Variants in DDAH1 observed in about 807,000 individuals in gnomAD.
The protein encoded by DDAH1 is N(G),N(G)-dimethylarginine dimethylaminohydrolase 1.
DDAH1 carries 19 observed loss-of-function variants against 28.8 expected under a neutral mutation model. The ratio of observed to expected loss-of-function variants is 0.66; its 90% CI spans 0.46 to 0.97. The LOEUF (loss-of-function observed/expected upper bound fraction) is 0.97. DDAH1 is among the 50% of genes least tolerant of loss of function. The pLI is 0.00. For synonymous variants in DDAH1, 153 were observed against 154.4 expected (o/e 0.99, Z 0.07); for missense variants, 326 against 375.9 (o/e 0.87, Z 1.10).
intron 1 of DDAH1, among the ~76,000 whole-genome samples, chr1:85,390,672 G>A (rs1222460834): frequency 1.3e-5 from 2 of 152,048 alleles, no homozygotes; most frequent in Non-Finnish European, 2.9e-5. Context: ...ATTACTGCAG[G>A]GGCCTCTTTA....
chr1:85,333,194 C>A (rs1473600348), intron 4 of DDAH1, among the ~76,000 whole-genome samples: 1 of 152,224 alleles, frequency 6.6e-6, no homozygotes, highest in Non-Finnish European at 1.5e-5. Flanking sequence ...CAGCCTACGC[C>A]ACTGAGGAAA....
chr1:85,547,720 G>T (rs757453995), intron 1 of DDAH1, among the ~76,000 whole-genome samples: 1 of 152,198 alleles, frequency 6.6e-6, no homozygotes, highest in Non-Finnish European at 1.5e-5. Flanking sequence ...TTGATAGAGA[G>T]GTTTCTTTAA....
At chr1:85,463,467 A>G (rs999893115) in intron 1 of DDAH1, among the ~76,000 whole-genome samples, 2 of 152,228 alleles carry the variant, frequency 1.3e-5, no homozygotes, top group African/African-American at 4.8e-5. Context: ...TTATCAGTTT[A>G]AAAGAGTGGG....
chr1:85,340,802 G>A (rs1648429438), intron 4 of DDAH1, among the ~76,000 whole-genome samples: 1 of 151,918 alleles, frequency 6.6e-6, no homozygotes. Context: ...CCACAGATAA[G>A]GAAACCCCGA....
chr1:85,347,032 CCAT>C (rs1408451396), intron 4 of DDAH1, among the ~76,000 whole-genome samples: 6 of 151,966 alleles, frequency 3.9e-5, no homozygotes, highest in Non-Finnish European at 7.4e-5. Flanking sequence ...TCATCACTGG[CCAT>C]CAGAGAAATG....
intron 1 of DDAH1, among the ~76,000 whole-genome samples, chr1:85,406,017 T>C (rs959506320): frequency 1.3e-5 from 2 of 152,218 alleles, no homozygotes; most frequent in African/African-American, 2.4e-5. Flanking sequence ...CAGGACCCAC[T>C]ATGTGCCAGG....
chr1:85,525,364 G>A (rs1419268908), intron 1 of DDAH1, among the ~76,000 whole-genome samples: 1 of 152,098 alleles, frequency 6.6e-6, no homozygotes, highest in East Asian at 1.9e-4. Flanking sequence ...CTAGCTAGCT[G>A]ACTGTTGACA....
chr1:85,496,827 T>A (rs1370845033), intron 1 of DDAH1, among the ~76,000 whole-genome samples: 1 of 152,188 alleles, frequency 6.6e-6, no homozygotes, highest in Non-Finnish European at 1.5e-5. Context: ...TCACAGGAAT[T>A]CATCAACCAA....
intron 1 of DDAH1, among the ~76,000 whole-genome samples, chr1:85,443,917 G>A (rs907502109): frequency 6.6e-6 from 1 of 152,192 alleles, no homozygotes; most frequent in Non-Finnish European, 1.5e-5. Flanking sequence ...ATTTTGGGCT[G>A]AGACGACGGG....
chr1:85,427,554 T>A (rs1653466498), intron 1 of DDAH1, among the ~76,000 whole-genome samples: 2 of 152,172 alleles, frequency 1.3e-5, no homozygotes, highest in Non-Finnish European at 2.9e-5. Context: ...CGCTTGTGTC[T>A]TGCCAGTCTA....
chr1:85,321,633 G>T (rs1661349512), intron 5 of DDAH1, 65 bp from the exon 6 acceptor site: 1 of 1,245,922 alleles, frequency 8.0e-7, no homozygotes, highest in Non-Finnish European at 1.2e-6. Context: ...CAGAAGTGGA[G>T]AATCAATTTG....
chr1:85,429,426 T>G (rs1176313018), intron 1 of DDAH1, among the ~76,000 whole-genome samples: 1 of 152,252 alleles, frequency 6.6e-6, no homozygotes, highest in Admixed American at 6.5e-5. Flanking sequence ...TCATGGGCAT[T>G]TGGCTTGGTT....
intron 1 of DDAH1, among the ~76,000 whole-genome samples, chr1:85,533,623 A>C (rs1658167231): frequency 6.6e-6 from 1 of 152,194 alleles, no homozygotes; most frequent in African/African-American, 2.4e-5. Context: ...ACCTAAAGAC[A>C]AGCTTAAAAA....
intron 1 of DDAH1, among the ~76,000 whole-genome samples, chr1:85,405,415 G>A (rs78308779): frequency 0.04 from 6,082 of 152,266 alleles, 420 homozygotes; most frequent in African/African-American, 0.14. Flanking sequence ...ATCAGGCTGT[G>A]AGTACAGACA....
intron 1 of DDAH1, among the ~76,000 whole-genome samples, chr1:85,514,892 G>A (rs1471614932): frequency 6.6e-6 from 1 of 151,606 alleles, no homozygotes; most frequent in African/African-American, 2.4e-5. Context: ...CCTGTAAACA[G>A]GAACATTGTT....
intron 1 of DDAH1, among the ~76,000 whole-genome samples, chr1:85,520,070 C>T (rs1346380706): frequency 6.6e-6 from 1 of 151,850 alleles, no homozygotes; most frequent in African/African-American, 2.4e-5. Context: ...AAGCAGTACC[C>T]AATGTGTAGT....
chr1:85,545,428 T>G (rs1235201712), intron 1 of DDAH1, among the ~76,000 whole-genome samples: 1 of 152,178 alleles, frequency 6.6e-6, no homozygotes, highest in African/African-American at 2.4e-5. Flanking sequence ...AAGGATCAAT[T>G]CTTATTCTTT....
chr1:85,507,585 C>G (rs1019734947), intron 1 of DDAH1, among the ~76,000 whole-genome samples: 35 of 151,998 alleles, frequency 2.3e-4, no homozygotes, highest in African/African-American at 8.2e-4. Context: ...ATTGCAATGT[C>G]ATTATCATTT....
chr1:85,501,558 C>T (rs1656819839), intron 1 of DDAH1, among the ~76,000 whole-genome samples: 1 of 152,176 alleles, frequency 6.6e-6, no homozygotes, highest in Non-Finnish European at 1.5e-5. Flanking sequence ...CTTCATTAGC[C>T]TGACCTACAA....
Sources: allele counts gnomAD v4.1 joint callset (sites outside exome capture counted in the v4.1 genomes callset), GRCh38; gene constraint gnomAD v4.1.1; transcripts MANE v1.5; gene names NCBI Gene and HGNC (gene_info 2026-07-23, HGNC 2026-07-21).